The following DNAH17 variants were observed in gnomAD, a reference collection of about 807,000 sequenced individuals.
DNAH17 encodes dynein axonemal heavy chain 17.
DNAH17 carries 376 observed loss-of-function variants against 485.6 expected under a neutral mutation model. That is an observed-to-expected ratio of 0.77 (90% confidence interval 0.71 to 0.84). The LOEUF (loss-of-function observed/expected upper bound fraction) is 0.84, where lower values mean the gene tolerates loss of function less well. DNAH17 is among the 40% of genes least tolerant of loss of function. The probability of loss-of-function intolerance (pLI) is 0.00; values close to 1 mark genes in which losing one functional copy is unlikely to be tolerated. For synonymous variants in DNAH17, 3,031 were observed against 2,405.9 expected, an observed-to-expected ratio of 1.26 and a Z score of -7.60; for missense variants, 6,370 against 5,839.3, an observed-to-expected ratio of 1.09 and a Z score of -2.96.
intron 43 of DNAH17, 74 bp from the exon 44 acceptor site, chr17:78,490,921 T>C: frequency 6.8e-7 from 1 of 1,468,488 alleles, no homozygotes. Flanking sequence ...GGGTGGGGGT[T>C]ACTCGGAGCA....
intron 55 of DNAH17, among the ~76,000 whole-genome samples, chr17:78,467,658 T>C (rs1371070211): frequency 6.6e-6 from 1 of 152,130 alleles, no homozygotes; most frequent in African/African-American, 2.4e-5. Context: ...GCAGCACCAC[T>C]GAACTCTGGA....
At position 78,468,836 on chromosome 17, in the gene DNAH17, G is replaced by A. The variant is rs1294923070; in HGVS notation, c.8559C>T (p.Pro2853=). 6.2e-7 allele frequency: 1 copy of A among 1,613,860 alleles called. No homozygotes were observed. Among genetic ancestry groups the A allele is most frequent in the Non-Finnish European group, 8.5e-7 (1 of 1,179,908 alleles). The stretch of plus-strand genomic sequence containing the variant: ...GGGAGTCTGTCATCAGGAACACCGA[G>A]GGAACGTTCTTCACGGCAGCCTTTA... ...QYIKAAVKNV[P]SVFLMTDSQV... The change falls in exon 55 of 81, where the codon CCC becomes CCT. Residue 2853 remains proline (P), a synonymous_variant. Coordinates refer to ENST00000389840, the MANE Select transcript of DNAH17 (RefSeq NM_173628.4).
At chr17:78,576,002 T>C (rs980456989) in intron 1 of DNAH17, among the ~76,000 whole-genome samples, 9 of 152,196 alleles carry the variant, frequency 5.9e-5, no homozygotes, top group Non-Finnish European at 1.3e-4. Context: ...ATGCTGTGTT[T>C]TCATCACAAT....
At chr17:78,555,934 G>A (rs1273395569) in intron 14 of DNAH17, among the ~76,000 whole-genome samples, 7 of 152,208 alleles carry the variant, frequency 4.6e-5, no homozygotes, top group Non-Finnish European at 8.8e-5. Context: ...TACACCATCT[G>A]TTCCCCTAGT....
intron 62 of DNAH17, among the ~76,000 whole-genome samples, chr17:78,456,354 A>G (rs531578250): frequency 1.3e-5 from 2 of 152,300 alleles, no homozygotes; most frequent in East Asian, 3.9e-4. Context: ...GGCAGCCCTT[A>G]GGAATGCTGT....
At position 78,466,663 on chromosome 17, in the gene DNAH17, C is replaced by T. The variant is rs367587088; in HGVS notation, c.8932G>A (p.Gly2978Arg). 6.2e-6 allele frequency: 10 copies of T among 1,609,468 alleles called. No individual in the cohort carries two copies. Among genetic ancestry groups the T allele is most frequent in the East Asian group, 2.2e-5 (1 of 44,722 alleles). The change falls in exon 56 of 81, where the codon GGG becomes AGG. Residue 2978 changes from glycine (G) to arginine (R), a missense_variant. By Grantham distance (125) the Gly-to-Arg change is moderately radical (BLOSUM62 -2). Transcript: ENST00000389840. ...TGGCCTCAGTGACTCACCGGAATCC[C>T]CTCAGTCTCCTCCAGGAAGCGGGCG... ...VSARFLEETEGIPWEVKASIS... is the reference protein window; with the variant it reads ...VSARFLEETERIPWEVKASIS...
intron 54 of DNAH17, chr17:78,472,695 C>T (rs759143699): frequency 8.8e-6 from 4 of 453,558 alleles, no homozygotes; most frequent in South Asian, 4.7e-5. Flanking sequence ...CCAGCCGAGT[C>T]CCCGAGGTCA....
At chr17:78,479,705 G>C (rs553094321) in intron 49 of DNAH17, 73 bp from the exon 50 acceptor site, 1 of 1,590,800 alleles carries the variant, frequency 6.3e-7, no homozygotes, top group Non-Finnish European at 8.5e-7. Context: ...CCACCTTCGC[G>C]GGAGAGTGGC....
intron 44 of DNAH17, among the ~76,000 whole-genome samples, chr17:78,489,801 AGGTGTGCGAAGTACTG>A (rs1311340829): frequency 1.1e-5 from 1 of 89,672 alleles, no homozygotes; most frequent in African/African-American, 4.4e-5. Flanking sequence ...CACACATGGC[AGGTGTGCGAAGTACTG>A]GGTGGGCGGG....
chr17:78,494,205 A>G, intron 40 of DNAH17, 32 bp from the exon 41 acceptor site: 1 of 1,589,692 alleles, frequency 6.3e-7, no homozygotes, highest in Non-Finnish European at 8.6e-7. Flanking sequence ...TGGGTGAGGA[A>G]CTGAAGCAGC....
intron 20 of DNAH17, among the ~76,000 whole-genome samples, chr17:78,531,263 C>T (rs543652663): frequency 1.1e-4 from 17 of 151,702 alleles, no homozygotes; most frequent in Non-Finnish European, 2.2e-4. Context: ...TAAATCCTCT[C>T]GCTGAGTTGA....
chr17:78,505,027 T>TC (rs2090442217), intron 31 of DNAH17, among the ~76,000 whole-genome samples: 1 of 145,088 alleles, frequency 6.9e-6, no homozygotes, highest in African/African-American at 2.5e-5. Flanking sequence ...TGCCTCAGCC[T>TC]CCCGAACAGG....
chr17:78,469,508 G>A (rs773366437), intron 54 of DNAH17, among the ~76,000 whole-genome samples: 1 of 152,270 alleles, frequency 6.6e-6, no homozygotes, highest in South Asian at 2.1e-4. Context: ...CTAGGGCTTT[G>A]GGAGGCCAAG....
chr17:78,560,652 C>T (rs1421284559), intron 13 of DNAH17, 88 bp downstream of exon 13: 9 of 1,342,782 alleles, frequency 6.7e-6, no homozygotes, highest in African/African-American at 2.9e-5. Flanking sequence ...AAACATCGAC[C>T]TCCATAAATC....
At chr17:78,455,237 G>T (rs2087738900) in intron 63 of DNAH17, among the ~76,000 whole-genome samples, 1 of 151,546 alleles carries the variant, frequency 6.6e-6, no homozygotes, top group African/African-American at 2.4e-5. Context: ...TCCCCAAAGG[G>T]GCCTGAGCCT....
Position 78,468,702 on chromosome 17 carries a change from C to T in DNAH17, c.8693G>A (p.Arg2898Gln), listed in dbSNP as rs773351881. The T allele has an allele frequency of 4.3e-6, 7 of 1,613,900 alleles. No homozygotes were observed. Among genetic ancestry groups the T allele is most frequent in the African/African-American group, 1.3e-5 (1 of 74,922 alleles). Residue 2898 changes from arginine (R) to glutamine (Q), a missense_variant, in exon 55 of 81, where the codon CGA (arginine) becomes CAA (glutamine). Physicochemically the swap from Arg to Gln is conservative, Grantham distance 43. Coordinates refer to ENST00000389840, the MANE Select transcript of DNAH17 (RefSeq NM_173628.4). ...DEVENIISSM[R>Q]PQVKSLGMND... ...CATGCCAAGGGACTTGACTTGGGGT[C>T]GCATGGAGGAGATGATGTTCTCCAC...
intron 7 of DNAH17, among the ~76,000 whole-genome samples, chr17:78,570,004 T>C (rs111700879): frequency 0.011 from 1,738 of 152,272 alleles, 38 homozygotes; most frequent in African/African-American, 0.039. Flanking sequence ...ACGGGGACTC[T>C]CAGGGCAGAC....
chr17:78,481,017 G>T (rs149523493), intron 48 of DNAH17, among the ~76,000 whole-genome samples: 7 of 151,716 alleles, frequency 4.6e-5, no homozygotes, highest in African/African-American at 1.7e-4. Context: ...GGATGGTCTC[G>T]ATCTCCTAAC....
At chr17:78,524,089 T>G (rs1025986281) in intron 25 of DNAH17, among the ~76,000 whole-genome samples, 1 of 152,072 alleles carries the variant, frequency 6.6e-6, no homozygotes, top group Non-Finnish European at 1.5e-5. Context: ...CTTTGGGAGG[T>G]GATGAGGTCA....
Sources: gnomAD v4.1 joint callset for allele counts (sites outside exome capture counted in the v4.1 genomes callset) on GRCh38, gnomAD v4.1.1 for gene constraint, MANE v1.5 for transcripts, NCBI Gene and HGNC (gene_info 2026-07-23, HGNC 2026-07-21) for gene names.